Variants in CPA6 observed in about 807,000 individuals in gnomAD.
CPA6 encodes the protein carboxypeptidase A6.
A neutral mutation model predicts 63.3 loss-of-function variants in CPA6; 58 were observed. That is an observed-to-expected ratio of 0.92 (90% CI 0.74 to 1.14). The LOEUF is 1.14. CPA6 is among the 50% of genes most tolerant of loss of function. The probability of loss-of-function intolerance (pLI) is 0.00; values close to 1 mark genes in which losing one functional copy is unlikely to be tolerated. For missense variants in CPA6, 565 were observed against 526.6 expected (o/e 1.07, Z -0.71); for synonymous variants, 185 against 179.0 (o/e 1.03, Z -0.27).
intron 2 of CPA6, among the ~76,000 whole-genome samples, chr8:67,539,047 T>C (rs1206951917): frequency 1.3e-5 from 2 of 152,214 alleles, no homozygotes; most frequent in Non-Finnish European, 2.9e-5. Context: ...ATTATGATGC[T>C]AGCTGGTTAT....
chr8:67,706,720 T>C (rs1432961479), intron 1 of CPA6, among the ~76,000 whole-genome samples: 1 of 152,164 alleles, frequency 6.6e-6, no homozygotes, highest in Non-Finnish European at 1.5e-5. Flanking sequence ...AGTTTTCTTA[T>C]ATGAACGTTC....
At chr8:67,494,221 T>C (rs1191529316) in intron 6 of CPA6, among the ~76,000 whole-genome samples, 1 of 152,092 alleles carries the variant, frequency 6.6e-6, no homozygotes, top group African/African-American at 2.4e-5. Flanking sequence ...TTTTTAAACA[T>C]AGCAACATGT....
chr8:67,610,871 A>G (rs1397068499), intron 2 of CPA6, among the ~76,000 whole-genome samples: 2 of 152,270 alleles, frequency 1.3e-5, no homozygotes, highest in South Asian at 4.1e-4. Flanking sequence ...GGAAAAACAG[A>G]GTTGTTTAAT....
At chr8:67,427,996 G>T (rs1411092868) in intron 10 of CPA6, 51 bp downstream of exon 10, 1 of 1,206,974 alleles carries the variant, frequency 8.3e-7, no homozygotes, top group Non-Finnish European at 1.2e-6. Flanking sequence ...CATGATACAG[G>T]ATATTGGTTC....
chr8:67,585,515 T>A (rs1813905322), intron 2 of CPA6, among the ~76,000 whole-genome samples: 1 of 152,172 alleles, frequency 6.6e-6, no homozygotes, highest in Non-Finnish European at 1.5e-5. Context: ...TAGCAGTTCC[T>A]GCATACATTC....
chr8:67,624,570 C>A (rs1405041612), intron 1 of CPA6, among the ~76,000 whole-genome samples: 1 of 152,140 alleles, frequency 6.6e-6, no homozygotes, highest in African/African-American at 2.4e-5. Flanking sequence ...AGAGCAGATA[C>A]CAAGAAGGAA....
intron 8 of CPA6, among the ~76,000 whole-genome samples, chr8:67,442,777 C>T (rs1219308636): frequency 6.6e-6 from 1 of 152,154 alleles, no homozygotes; most frequent in African/African-American, 2.4e-5. Flanking sequence ...ACTGACAGCT[C>T]CACTTGCTAC....
chr8:67,477,197 A>G (rs1373175659), intron 8 of CPA6, among the ~76,000 whole-genome samples: 1 of 147,636 alleles, frequency 6.8e-6, no homozygotes, highest in Non-Finnish European at 1.5e-5. Context: ...AGGCTGAGGC[A>G]GGAGAATGGC....
chr8:67,485,430 A>G (rs1180606973), intron 6 of CPA6, among the ~76,000 whole-genome samples: 1 of 152,180 alleles, frequency 6.6e-6, no homozygotes, highest in Non-Finnish European at 1.5e-5. Flanking sequence ...CTACATATAT[A>G]TGTAGCATGA....
intron 8 of CPA6, among the ~76,000 whole-genome samples, chr8:67,480,983 T>C (rs1355686666): frequency 6.6e-6 from 1 of 152,246 alleles, no homozygotes; most frequent in African/African-American, 2.4e-5. Flanking sequence ...AGAGTATCTG[T>C]TGAAATCATT....
chr8:67,649,391 C>A (rs147217706), intron 1 of CPA6, among the ~76,000 whole-genome samples: 1 of 152,172 alleles, frequency 6.6e-6, no homozygotes, highest in Non-Finnish European at 1.5e-5. Flanking sequence ...ATCCTAACAA[C>A]AGGATATCCA....
intron 1 of CPA6, among the ~76,000 whole-genome samples, chr8:67,632,209 C>T (rs994717214): frequency 6.6e-6 from 1 of 151,562 alleles, no homozygotes; most frequent in Non-Finnish European, 1.5e-5. Context: ...CTCGCTCTGT[C>T]ATGCAGGCTG....
chr8:67,688,807 C>T (rs1271001470), intron 1 of CPA6, among the ~76,000 whole-genome samples: 7 of 152,006 alleles, frequency 4.6e-5, no homozygotes, highest in Admixed American at 6.6e-5. Flanking sequence ...CTAGAAGCAG[C>T]TCTTATGATC....
intron 8 of CPA6, among the ~76,000 whole-genome samples, chr8:67,446,362 T>A (rs1302699986): frequency 1.3e-5 from 2 of 152,096 alleles, no homozygotes; most frequent in Non-Finnish European, 2.9e-5. Flanking sequence ...CGATATCTCG[T>A]CCAGGCTGGT....
chr8:67,485,952 C>T lies in CPA6; in HGVS notation c.637-1163G>A, dbSNP rs544411929. Among the ~76,000 whole-genome samples the T allele has an allele frequency of 2.6e-5, 4 of 152,254 alleles. No individual in the cohort carries two copies. In the South Asian group the frequency reaches 8.3e-4, roughly 32 times the overall value. ...ATGAGTCTGGTAGGATGTGTCTCCC[C>T]ATGTTTTTTGAGTTTAAAATTATCG... On this transcript the variant is annotated intron_variant, in intron 6 of 10. Transcript: ENST00000297770.
intron 1 of CPA6, among the ~76,000 whole-genome samples, chr8:67,642,793 T>TCTCTCACACACA (rs369938715): frequency 6.2e-5 from 9 of 145,178 alleles, no homozygotes; most frequent in African/African-American, 2.0e-4. Flanking sequence ...GGCCTTTATC[T>TCTCTCACACACA]CACACACACA....
At chr8:67,659,588 C>T (rs1816063608) in intron 1 of CPA6, among the ~76,000 whole-genome samples, 1 of 152,130 alleles carries the variant, frequency 6.6e-6, no homozygotes, top group African/African-American at 2.4e-5. Context: ...TCTCCTGGCG[C>T]TTGGATTATT....
chr8:67,703,306 A>G (rs2128999004), intron 1 of CPA6, among the ~76,000 whole-genome samples: 1 of 152,298 alleles, frequency 6.6e-6, no homozygotes, highest in East Asian at 1.9e-4. Context: ...TGGGGTGGAA[A>G]GGACTTTGGA....
intron 2 of CPA6, among the ~76,000 whole-genome samples, chr8:67,520,773 A>G (rs1812241920): frequency 6.6e-6 from 1 of 152,230 alleles, no homozygotes; most frequent in Non-Finnish European, 1.5e-5. Flanking sequence ...CCGATACAAG[A>G]CATGCTTAAC....
Sources: gnomAD v4.1 joint callset for allele counts (sites outside exome capture counted in the v4.1 genomes callset) on GRCh38, gnomAD v4.1.1 for gene constraint, MANE v1.5 for transcripts, NCBI Gene and HGNC (gene_info 2026-07-23, HGNC 2026-07-21) for gene names.